KBTBD12: variants seen among roughly 807,000 people sequenced by gnomAD.
KBTBD12 encodes kelch repeat and BTB domain containing 12.
KBTBD12 carries 53 observed loss-of-function variants against 58.7 expected under a neutral mutation model. The observed-to-expected ratio is 0.90, with a 90% CI of 0.72 to 1.14. The LOEUF (loss-of-function observed/expected upper bound fraction) is 1.14, where lower values mean the gene tolerates loss of function less well. Among genes scored for constraint, KBTBD12 ranks in the 50% most tolerant of loss-of-function variants. The pLI is 0.00. For missense variants in KBTBD12, 704 were observed against 751.3 expected, an observed-to-expected ratio of 0.94 and a Z score of 0.74; for synonymous variants, 236 against 259.8, an observed-to-expected ratio of 0.91 and a Z score of 0.88.
intron 4 of KBTBD12, among the ~76,000 whole-genome samples, chr3:127,960,940 A>G (rs771963086): frequency 3.3e-5 from 5 of 152,210 alleles, no homozygotes; most frequent in African/African-American, 4.8e-5. Flanking sequence ...TATATGCGTC[A>G]TGTTGGGGAA....
rs1469655 is a variant in KBTBD12, at chr3:127,959,988, C to T, written c.1493-3201C>T. ...TTTTTCCCCTAAGACTGGTTTAGCA[C>T]GACAGGCAACTTTGGAAGCTTATCT... On this transcript the variant is annotated intron_variant, in intron 4 of 5. Transcript: ENST00000405109. Among the ~76,000 whole-genome samples the T allele has an allele frequency of 6.3e-3, 952 of 152,314 alleles. 9 individuals carry two copies. The highest frequency in any genetic ancestry group is 0.022 in the African/African-American group (897 of 41,570).
intron 1 of KBTBD12, among the ~76,000 whole-genome samples, chr3:127,920,423 C>G (rs1029428944): frequency 1.4e-4 from 21 of 146,096 alleles, no homozygotes; most frequent in African/African-American, 5.3e-4. Context: ...ACTATATTCT[C>G]TAGTGAATAT....
intron 5 of KBTBD12, among the ~76,000 whole-genome samples, chr3:127,970,463 A>G (rs10934835): frequency 0.15 from 23,076 of 152,172 alleles, 1,968 homozygotes; most frequent in South Asian, 0.32. Context: ...CCACCCTTGT[A>G]CCTGAATGTT....
At chr3:127,977,152 G>A (rs140566736) in intron 5 of KBTBD12, among the ~76,000 whole-genome samples, 27 of 152,292 alleles carry the variant, frequency 1.8e-4, no homozygotes, top group African/African-American at 6.3e-4. Context: ...CTCCAACCAT[G>A]TTGCTGCAAA....
At position 127,922,972 on chromosome 3, in the gene KBTBD12, A is replaced by G; in HGVS notation, c.-90A>G. 3 of 719,404 alleles carry G rather than the reference A, an allele frequency of 4.2e-6. No individual in the cohort carries two copies. The highest frequency in any genetic ancestry group is 7.0e-6 in the Non-Finnish European group (3 of 430,638). 44.6% of individuals were successfully genotyped at this position (719,404 alleles called of 1,614,324 possible). A position where few individuals can be genotyped will look rare whatever the true frequency, so the allele number is the denominator to read the frequency against. Reference sequence around the variant, plus strand: ...TAGAAATGTTTCCTGACATCTTTGTAGCTTCATGAGTAATCAGACATGCAA... The same window carrying G: ...TAGAAATGTTTCCTGACATCTTTGTGGCTTCATGAGTAATCAGACATGCAA... On this transcript the variant is annotated 5_prime_UTR_variant, in exon 2 of 6. Coordinates refer to ENST00000405109, the MANE Select transcript of KBTBD12 (RefSeq NM_207335.4).
chr3:127,955,856 A>G (rs1940309438), intron 4 of KBTBD12, among the ~76,000 whole-genome samples: 1 of 152,242 alleles, frequency 6.6e-6, no homozygotes, highest in Non-Finnish European at 1.5e-5. Flanking sequence ...AAACAGCATC[A>G]TTGTGTACTT....
chr3:127,918,049 A>T (rs1939298312), intron 1 of KBTBD12, among the ~76,000 whole-genome samples: 1 of 152,172 alleles, frequency 6.6e-6, no homozygotes, highest in African/African-American at 2.4e-5. Context: ...GTCTCTACAA[A>T]AAATAAATAA....
intron 4 of KBTBD12, among the ~76,000 whole-genome samples, chr3:127,933,991 C>A (rs889056563): frequency 6.6e-6 from 1 of 151,872 alleles, no homozygotes; most frequent in African/African-American, 2.4e-5. Context: ...AATATATTAT[C>A]CATAATGCCC....
At chr3:127,925,409 A>G (rs984176502) in intron 2 of KBTBD12, among the ~76,000 whole-genome samples, 2 of 151,888 alleles carry the variant, frequency 1.3e-5, no homozygotes. Flanking sequence ...CCTTCTTTCC[A>G]CCTTAGAATC....
At chr3:127,977,638 GTGTC>G (rs1179377928) in intron 5 of KBTBD12, among the ~76,000 whole-genome samples, 3 of 152,162 alleles carry the variant, frequency 2.0e-5, no homozygotes, top group Non-Finnish European at 4.4e-5. Context: ...CTTTTGAAAA[GTGTC>G]TGTTCGTGTC....
intron 5 of KBTBD12, among the ~76,000 whole-genome samples, chr3:127,966,826 G>A (rs181292459): frequency 6.6e-6 from 1 of 152,066 alleles, no homozygotes; most frequent in East Asian, 1.9e-4. Flanking sequence ...ACAGAACACT[G>A]GGGAAAAAAA....
intron 5 of KBTBD12, chr3:127,963,870 G>A (rs923242739): frequency 6.6e-6 from 1 of 152,642 alleles, no homozygotes; most frequent in African/African-American, 2.4e-5. Flanking sequence ...GATCAGAAGT[G>A]TTGGGTTTTA....
In KBTBD12 at chr3:127,986,472, G is replaced by A. The variant is rs962208772; in HGVS notation, c.*2194G>A. On this transcript the variant is annotated 3_prime_UTR_variant, in exon 6 of 6. Coordinates refer to ENST00000405109, the MANE Select transcript of KBTBD12 (RefSeq NM_207335.4). ...AGTGGGGCAGATGTGCATATGGCTT[G>A]TGACGGTTCTTTCTTTTTTTTTTTT... The A allele has an allele frequency of 6.6e-6, 1 of 151,472 alleles. No individual in the cohort carries two copies. The highest frequency in any genetic ancestry group is 1.5e-5 in the Non-Finnish European group (1 of 68,006). The allele number at this position is 151,472 out of a possible 1,614,324, so 9.4% of individuals were successfully genotyped here.
At chr3:127,941,431 C>G (rs1052745300) in intron 4 of KBTBD12, among the ~76,000 whole-genome samples, 9 of 152,152 alleles carry the variant, frequency 5.9e-5, no homozygotes, top group Non-Finnish European at 1.0e-4. Context: ...GCCACATAAT[C>G]ACATCAATTG....
At chr3:127,924,547 T>C (rs1410420136) in intron 2 of KBTBD12, among the ~76,000 whole-genome samples, 2 of 151,962 alleles carry the variant, frequency 1.3e-5, no homozygotes, top group East Asian at 1.9e-4. Context: ...TATCCATATA[T>C]AGGGTTTAAT....
At chr3:127,936,790 G>C (rs1939839565) in intron 4 of KBTBD12, among the ~76,000 whole-genome samples, 1 of 152,120 alleles carries the variant, frequency 6.6e-6, no homozygotes, top group Non-Finnish European at 1.5e-5. Flanking sequence ...CCATATACTA[G>C]AAGTAAACCT....
chr3:127,964,484 A>T (rs942973959), intron 5 of KBTBD12, among the ~76,000 whole-genome samples: 1 of 149,414 alleles, frequency 6.7e-6, no homozygotes, highest in Non-Finnish European at 1.5e-5. Context: ...AAAAAAAAAA[A>T]TACAAAAATT....
chr3:127,975,276 C>T (rs143321383), intron 5 of KBTBD12, among the ~76,000 whole-genome samples: 38 of 152,344 alleles, frequency 2.5e-4, no homozygotes, highest in African/African-American at 8.9e-4. Flanking sequence ...CTCAGACTAA[C>T]TTCCTATCTG....
chr3:127,941,639 T>C (rs1410297566), intron 4 of KBTBD12, among the ~76,000 whole-genome samples: 1 of 152,178 alleles, frequency 6.6e-6, no homozygotes, highest in Non-Finnish European at 1.5e-5. Flanking sequence ...TAGGCTGGAG[T>C]GCAGTGGTGC....
Sources: gnomAD v4.1 joint callset for allele counts (sites outside exome capture counted in the v4.1 genomes callset) on GRCh38, gnomAD v4.1.1 for gene constraint, MANE v1.5 for transcripts, NCBI Gene and HGNC (gene_info 2026-07-23, HGNC 2026-07-21) for gene names.